The following BLTP2 variants were observed in gnomAD, a reference collection of about 807,000 sequenced individuals.
BLTP2 encodes the protein U937-associated antigen.
chr17:28,643,785 T>A, the BLTP2 span: 1 of 990,530 alleles, frequency 1.0e-6, no homozygotes, highest in Non-Finnish European at 1.6e-6. Context: ...TTGAATCCCA[T>A]CTTAAATTAG....
chr17:28,634,979 G>C, the BLTP2 span: 2 of 1,613,576 alleles, frequency 1.2e-6, no homozygotes, highest in East Asian at 2.2e-5. Flanking sequence ...TTTAAGAGTA[G>C]ATCAGGTGGG....
the BLTP2 span, among the ~76,000 whole-genome samples, chr17:28,634,271 T>C: frequency 2.0e-5 from 3 of 152,126 alleles, no homozygotes; most frequent in African/African-American, 7.2e-5. Flanking sequence ...GTTAAGGGCA[T>C]AGCACTGAGA....
At chr17:28,624,745 T>A in the BLTP2 span, among the ~76,000 whole-genome samples, 1 of 152,184 alleles carries the variant, frequency 6.6e-6, no homozygotes, top group East Asian at 1.9e-4. Flanking sequence ...TCTTTTCCAC[T>A]TGAAACCACT....
the BLTP2 span, chr17:28,619,569 C>G: frequency 1.3e-6 from 2 of 1,559,096 alleles, no homozygotes; most frequent in Non-Finnish European, 8.8e-7. Context: ...CACACTAGAC[C>G]TAAAGACAGT....
chr17:28,632,905 A>T, the BLTP2 span: 15 of 1,458,454 alleles, frequency 1.0e-5, no homozygotes, highest in South Asian at 4.4e-5. Context: ...CGTCCTCCCA[A>T]GCCCTTCCTC....
At chr17:28,639,801 G>C in the BLTP2 span, 4 of 1,498,138 alleles carry the variant, frequency 2.7e-6, no homozygotes, top group South Asian at 3.4e-5. Flanking sequence ...CCACTCCCCA[G>C]TTACACTGAG....
the BLTP2 span, among the ~76,000 whole-genome samples, chr17:28,618,144 G>A: frequency 6.6e-6 from 1 of 151,876 alleles, no homozygotes; most frequent in African/African-American, 2.4e-5. Context: ...TGTTAGCCAG[G>A]CTGGTCTTCA....
At chr17:28,615,470 C>T in the BLTP2 span, among the ~76,000 whole-genome samples, 4 of 152,152 alleles carry the variant, frequency 2.6e-5, no homozygotes, top group African/African-American at 7.2e-5. Flanking sequence ...TGGTGCTATA[C>T]GAAACACTCA....
chr17:28,635,731 G>A, the BLTP2 span: 3 of 985,652 alleles, frequency 3.0e-6, no homozygotes, highest in Non-Finnish European at 4.4e-6. Context: ...TTGTTCCTGA[G>A]TAATCACATT....
At chr17:28,643,308 G>A in the BLTP2 span, 1 of 1,613,926 alleles carries the variant, frequency 6.2e-7, no homozygotes, top group Non-Finnish European at 8.5e-7. Context: ...ATGCCACATA[G>A]TGTCTGCCCA....
At chr17:28,638,534 A>G in the BLTP2 span, 2 of 1,609,346 alleles carry the variant, frequency 1.2e-6, no homozygotes, top group Non-Finnish European at 8.5e-7. Context: ...CCAGAGAGAT[A>G]GAATTGAATC....
chr17:28,628,715 AC>A, the BLTP2 span, among the ~76,000 whole-genome samples: 1 of 152,148 alleles, frequency 6.6e-6, no homozygotes, highest in African/African-American at 2.4e-5. Context: ...TGGGCAAATC[AC>A]GAGATCAGGA....
the BLTP2 span, chr17:28,617,008 TAG>T: frequency 2.9e-5 from 46 of 1,599,092 alleles, no homozygotes; most frequent in Non-Finnish European, 3.5e-5. Context: ...ACCTGTAGGA[TAG>T]AGAGTAAAGA....
At chr17:28,628,158 C>T in the BLTP2 span, 2 of 963,796 alleles carry the variant, frequency 2.1e-6, no homozygotes, top group Non-Finnish European at 3.2e-6. Context: ...AGTTTCACTT[C>T]TTTACCTAGA....
the BLTP2 span, chr17:28,643,478 G>T: frequency 7.6e-7 from 1 of 1,322,692 alleles, no homozygotes; most frequent in Non-Finnish European, 1.1e-6. Context: ...TGGCACCCAG[G>T]CTAACAGGAA....
chr17:28,619,595 A>G, the BLTP2 span: 7 of 1,607,682 alleles, frequency 4.4e-6, no homozygotes, highest in Non-Finnish European at 5.9e-6. Flanking sequence ...CATGGGCAAG[A>G]AAGAGAACTG....
At chr17:28,638,254 G>A in the BLTP2 span, 1 of 1,611,680 alleles carries the variant, frequency 6.2e-7, no homozygotes, top group African/African-American at 1.3e-5. Context: ...TCACCTACCT[G>A]TAGTGTGAAG....
chr17:28,616,164 G>A, the BLTP2 span: 8 of 1,614,056 alleles, frequency 5.0e-6, no homozygotes, highest in African/African-American at 1.3e-5. The surrounding 1 kb of genome is among the most constrained non-coding windows in gnomAD (Gnocchi z 4.8). Context: ...ATGGCAGCTC[G>A]CTCTTTCATC....
chr17:28,638,168 G>A, the BLTP2 span: 1 of 1,592,316 alleles, frequency 6.3e-7, no homozygotes, highest in South Asian at 1.1e-5. Flanking sequence ...TGCACTTCCT[G>A]CTGCATTAGG....
Sources: gnomAD v4.1 joint callset for allele counts (sites outside exome capture counted in the v4.1 genomes callset) on GRCh38, gnomAD v4.1.1 for gene constraint, Gnocchi (gnomAD v3.1) non-coding constraint, MANE v1.5 for transcripts, NCBI Gene and HGNC (gene_info 2026-07-23, HGNC 2026-07-21) for gene names.